Variants in PSMB7 observed in about 807,000 individuals in gnomAD.
PSMB7 encodes proteasome 20S subunit beta 7, also known as proteasome subunit beta type-7.
Under a neutral mutation model 28.1 loss-of-function variants are expected in PSMB7, and 5 were observed. The ratio of observed to expected loss-of-function variants is 0.18; its 90% CI spans 0.09 to 0.37. The LOEUF (loss-of-function observed/expected upper bound fraction) is 0.37, where lower values mean the gene tolerates loss of function less well. PSMB7 is among the 10% of genes least tolerant of loss of function. The pLI is 1.00. For synonymous variants in PSMB7, 122 were observed against 123.7 expected (o/e 0.99, Z 0.09); for missense variants, 275 against 346.2 (o/e 0.79, Z 1.63).
chr9:124,368,651 A>T (rs1452138543), intron 6 of PSMB7, among the ~76,000 whole-genome samples: 2 of 152,214 alleles, frequency 1.3e-5, no homozygotes, highest in Non-Finnish European at 2.9e-5. Context: ...CCATCTGGCC[A>T]TTTGTTGATT....
intron 5 of PSMB7, among the ~76,000 whole-genome samples, chr9:124,388,624 A>G (rs1830751128): frequency 5.3e-5 from 8 of 152,142 alleles, no homozygotes; most frequent in Admixed American, 5.2e-4. Context: ...AAAGTCCTAT[A>G]TGCTACAATA....
At chr9:124,358,063 G>A (rs1399521542) in intron 6 of PSMB7, among the ~76,000 whole-genome samples, 1 of 152,202 alleles carries the variant, frequency 6.6e-6, no homozygotes, top group African/African-American at 2.4e-5. Flanking sequence ...CCTGTGCTAC[G>A]GCGCCTTCCC....
chr9:124,374,066 A>G (rs1285525610), intron 6 of PSMB7, among the ~76,000 whole-genome samples: 1 of 152,256 alleles, frequency 6.6e-6, no homozygotes, highest in East Asian at 1.9e-4. Context: ...ACCATCAAAA[A>G]GAAATAAAAT....
intron 3 of PSMB7, among the ~76,000 whole-genome samples, chr9:124,413,531 G>A (rs1039078857): frequency 2.0e-5 from 3 of 152,000 alleles, no homozygotes; most frequent in Non-Finnish European, 4.4e-5. Context: ...TGAACAATAG[G>A]ATGCCTAAGA....
chr9:124,355,909 TG>T (rs1395998240), intron 7 of PSMB7, among the ~76,000 whole-genome samples: 1 of 152,118 alleles, frequency 6.6e-6, no homozygotes, highest in Admixed American at 6.6e-5. Context: ...ACTCCTGATG[TG>T]GAGTTGTGTG....
At chr9:124,404,056 TTA>T (rs1194186560) in intron 5 of PSMB7, among the ~76,000 whole-genome samples, 2 of 151,776 alleles carry the variant, frequency 1.3e-5, no homozygotes, top group African/African-American at 4.8e-5. Context: ...CACACTCAGC[TTA>T]TATATATATG....
chr9:124,408,414 C>T (rs1309175169), intron 4 of PSMB7, among the ~76,000 whole-genome samples: 1 of 152,072 alleles, frequency 6.6e-6, no homozygotes, highest in East Asian at 1.9e-4. Context: ...ACCTTAAATA[C>T]CTTAAAATGG....
intron 4 of PSMB7, among the ~76,000 whole-genome samples, chr9:124,407,011 A>T (rs1474530632): frequency 6.6e-6 from 1 of 152,088 alleles, no homozygotes. Context: ...AAAAAAAATC[A>T]AAAGAAGAAT....
At chr9:124,402,071 T>A (rs1830915864) in intron 5 of PSMB7, among the ~76,000 whole-genome samples, 1 of 151,040 alleles carries the variant, frequency 6.6e-6, no homozygotes, top group Non-Finnish European at 1.5e-5. Context: ...GACCTCAAAG[T>A]AACAATTTAC....
At chr9:124,384,728 G>A (rs1211572328) in intron 5 of PSMB7, 72 bp from the exon 6 acceptor site, 15 of 1,466,318 alleles carry the variant, frequency 1.0e-5, no homozygotes, top group African/African-American at 4.2e-5. Flanking sequence ...TTACCTAGGG[G>A]CAAGAAAAAC....
chr9:124,367,096 T>C (rs991786016), intron 6 of PSMB7, among the ~76,000 whole-genome samples: 9 of 150,938 alleles, frequency 6.0e-5, no homozygotes, highest in Non-Finnish European at 5.9e-5. Flanking sequence ...CAGAGAGGAG[T>C]TGATGATAAT....
chr9:124,353,940 G>A (rs1479670267), intron 7 of PSMB7, among the ~76,000 whole-genome samples: 1 of 151,952 alleles, frequency 6.6e-6, no homozygotes, highest in Admixed American at 6.5e-5. Flanking sequence ...ACGGCACCTG[G>A]CCCTTGGTGG....
intron 7 of PSMB7, among the ~76,000 whole-genome samples, chr9:124,354,180 T>A (rs541378821): frequency 0.012 from 1,838 of 151,212 alleles, 41 homozygotes; most frequent in African/African-American, 0.043. Context: ...GTAAAAAAAA[T>A]GTGCAGCCAG....
intron 6 of PSMB7, among the ~76,000 whole-genome samples, chr9:124,379,057 A>G (rs1830639257): frequency 6.6e-6 from 1 of 152,194 alleles, no homozygotes; most frequent in Admixed American, 6.5e-5. Flanking sequence ...CTCTCATATA[A>G]CTGACCCCTT....
chr9:124,375,441 G>A (rs745441151), intron 6 of PSMB7, among the ~76,000 whole-genome samples: 5 of 152,158 alleles, frequency 3.3e-5, no homozygotes, highest in Non-Finnish European at 7.3e-5. Flanking sequence ...TGGGATTACA[G>A]GCATGAGCCA....
At position 124,415,441 on chromosome 9, in the gene PSMB7, G is replaced by C. The variant is rs1831077729; in HGVS notation, c.-16C>G. 1 of 1,613,668 alleles carries C rather than the reference G, an allele frequency of 6.2e-7. No homozygotes were observed. Among genetic ancestry groups the C allele is most frequent in the Non-Finnish European group, 8.5e-7 (1 of 1,179,808 alleles). On this transcript the variant is annotated 5_prime_UTR_variant, in exon 1 of 8. Transcript: ENST00000259457. ...CAGCCGCCATCTTCCCAAGAAAGCA[G>C]TTCCGGGTCGGAGGCGGGTGCAAAC...
intron 6 of PSMB7, among the ~76,000 whole-genome samples, chr9:124,358,728 C>T (rs1830438501): frequency 1.3e-5 from 2 of 152,254 alleles, no homozygotes; most frequent in African/African-American, 4.8e-5. Flanking sequence ...ACTTATTCCC[C>T]TGTTCCCGGC....
At position 124,355,455 on chromosome 9, in the gene PSMB7, C is replaced by T. The variant is rs13301147; in HGVS notation, c.722+1309G>A. Among the ~76,000 whole-genome samples the T allele has an allele frequency of 8.7e-3, 1,324 of 152,316 alleles. 10 individuals are homozygous for T. Among genetic ancestry groups the T allele is most frequent in the Non-Finnish European group, 0.014 (960 of 68,024 alleles). On this transcript the variant is annotated intron_variant, in intron 7 of 7. Coordinates refer to ENST00000259457, the MANE Select transcript of PSMB7 (RefSeq NM_002799.4). Reference sequence around the variant, plus strand: ...GCCCAGACGTGGCTTTCAGAGTCCTCGCCCAGGACCCTGGCCAGCCTGAAT... The same window carrying T: ...GCCCAGACGTGGCTTTCAGAGTCCTTGCCCAGGACCCTGGCCAGCCTGAAT...
intron 6 of PSMB7, among the ~76,000 whole-genome samples, chr9:124,373,787 C>T (rs1470349324): frequency 1.3e-5 from 2 of 152,146 alleles, no homozygotes; most frequent in East Asian, 1.9e-4. Flanking sequence ...ATATAGAAAT[C>T]GAAACCTTCA....
Sources: allele counts gnomAD v4.1 joint callset (sites outside exome capture counted in the v4.1 genomes callset), GRCh38; gene constraint gnomAD v4.1.1; transcripts MANE v1.5; gene names NCBI Gene and HGNC (gene_info 2026-07-23, HGNC 2026-07-21).